RAB3IP: variants seen among roughly 807,000 people sequenced by gnomAD.
RAB3IP encodes the protein rab-3A-interacting protein.
RAB3IP carries 36 observed loss-of-function variants against 59.1 expected under a neutral mutation model. The observed-to-expected ratio is 0.61, with a 90% CI of 0.47 to 0.80. The LOEUF is 0.80. RAB3IP is among the 30% of genes least tolerant of loss of function. The pLI is 0.00. For missense variants in RAB3IP, 511 were observed against 536.0 expected (o/e 0.95, Z 0.46); for synonymous variants, 207 against 191.2 (o/e 1.08, Z -0.68).
At chr12:69,760,631 CTG>C (rs935167469) in intron 3 of RAB3IP, among the ~76,000 whole-genome samples, 4 of 150,882 alleles carry the variant, frequency 2.7e-5, no homozygotes, top group African/African-American at 7.3e-5. Context: ...TTTTGTATGT[CTG>C]TGTTCATTTT....
rs1249343968 is a variant in RAB3IP at position 69,797,518 on chromosome 12, C to CT, written c.888+2184dup. Among the ~76,000 whole-genome samples the CT allele has an allele frequency of 2.9e-3, 98 of 34,154 alleles. No individual in the cohort carries two copies. The East Asian group carries it at 0.031, about 11-fold the overall frequency. 22.4% of individuals were successfully genotyped at this position (34,154 alleles called of 152,430 possible). ...TTTTTTTTAATAAATTTGCATCTTT[C>CT]TTTTTTTTTTAATTATTGTTATACT... On this transcript the variant is annotated intron_variant, in intron 6 of 10. Transcript: ENST00000247833.
chr12:69,815,319 G>A, intron 10 of RAB3IP, 45 bp from the exon 11 acceptor site: 1 of 1,312,838 alleles, frequency 7.6e-7, no homozygotes, highest in Non-Finnish European at 1.1e-6. Context: ...AAATAATGAA[G>A]ATGGTATTTT....
rs1270618068 is a variant in RAB3IP at position 69,751,260 on chromosome 12, TC to T, written c.-25-4122del. 3.9e-4 allele frequency among the ~76,000 whole-genome samples: 60 copies of T among 152,220 alleles called. 1 individual carries two copies. The highest frequency in any genetic ancestry group is 1.3e-3 in the African/African-American group (56 of 41,532). ...TTGTCCCGTTTTTGGTTAGTGGGAG[TC>T]CGTTTGATATCAGTCCAGTAGTTTT... On this transcript the variant is annotated intron_variant, in intron 1 of 10. Coordinates refer to ENST00000247833, the MANE Select transcript of RAB3IP (RefSeq NM_022456.5).
At chr12:69,783,564 C>T (rs570862222) in intron 3 of RAB3IP, among the ~76,000 whole-genome samples, 158 of 152,274 alleles carry the variant, frequency 1.0e-3, no homozygotes, top group African/African-American at 3.6e-3. Flanking sequence ...TTTAGAGCTT[C>T]GTAGCACTCT....
At position 69,823,016 on chromosome 12, in the gene RAB3IP, G is replaced by A. The variant is rs1881925943; in HGVS notation, c.*7570G>A. On this transcript the variant is annotated 3_prime_UTR_variant, in exon 11 of 11. Transcript: ENST00000247833. ...AATGTGTAGTTTCAAATAGCTAATAGCTGGAAGGAAGTTGTTGAATGTTTC... is the reference window on the plus strand; with the variant it reads ...AATGTGTAGTTTCAAATAGCTAATAACTGGAAGGAAGTTGTTGAATGTTTC... 6.6e-6 allele frequency: 1 copy of A among 152,116 alleles called. No homozygotes were observed. The highest frequency in any genetic ancestry group is 2.4e-5 in the African/African-American group (1 of 41,414). The allele number at this position is 152,116 out of a possible 1,614,324, so 9.4% of individuals were successfully genotyped here. A position where few individuals can be genotyped will look rare whatever the true frequency, so the allele number is the denominator to read the frequency against.
intron 4 of RAB3IP, among the ~76,000 whole-genome samples, chr12:69,790,237 A>G (rs1231935701): frequency 1.3e-5 from 2 of 152,250 alleles, no homozygotes; most frequent in Non-Finnish European, 2.9e-5. Flanking sequence ...ACAAAAATTA[A>G]TGATGTTTTT....
chr12:69,787,229 T>C (rs1875830608), intron 4 of RAB3IP, among the ~76,000 whole-genome samples: 1 of 152,154 alleles, frequency 6.6e-6, no homozygotes, highest in Admixed American at 6.6e-5. Flanking sequence ...GTTTTAAAAG[T>C]ATCAAATACT....
intron 8 of RAB3IP, among the ~76,000 whole-genome samples, chr12:69,805,418 T>A (rs796999835): frequency 6.6e-6 from 1 of 152,138 alleles, no homozygotes; most frequent in Non-Finnish European, 1.5e-5. Context: ...GGGTTTTCTA[T>A]GTGTACAATC....
chr12:69,750,254 A>G (rs150237981), intron 1 of RAB3IP, among the ~76,000 whole-genome samples: 164 of 152,314 alleles, frequency 1.1e-3, no homozygotes, highest in African/African-American at 3.8e-3. Flanking sequence ...TGGGGCTGGT[A>G]GTTGAATGAC....
chr12:69,782,700 T>G (rs1670730497), intron 3 of RAB3IP, among the ~76,000 whole-genome samples: 1 of 152,222 alleles, frequency 6.6e-6, no homozygotes, highest in South Asian at 2.1e-4. Context: ...CCAATTTGTG[T>G]CTTGTCTTCT....
intron 3 of RAB3IP, among the ~76,000 whole-genome samples, chr12:69,771,338 C>G (rs1365451544): frequency 6.6e-6 from 1 of 152,142 alleles, no homozygotes; most frequent in Non-Finnish European, 1.5e-5. Context: ...CAAGACCAGC[C>G]TAGGCAACAT....
Position 69,795,239 on chromosome 12 carries a change from A to G in RAB3IP, c.783A>G (p.Thr261=). 6.2e-7 allele frequency: 1 copy of G among 1,614,080 alleles called. No individual in the cohort carries two copies. Among genetic ancestry groups the G allele is most frequent in the Non-Finnish European group, 8.5e-7 (1 of 1,179,966 alleles). The change falls in exon 6 of 11, where the codon ACA becomes ACG. Residue 261 remains threonine (T), a synonymous_variant. Coordinates refer to ENST00000247833, the MANE Select transcript of RAB3IP (RefSeq NM_022456.5). ...AGGAGCCTTTGCCAGGTGGAAAGAC[A>G]CCTTTTAAAAAGGGGCATACAAGAA... ...PTQEPLPGGK[T]PFKKGHTRNK...
At chr12:69,768,290 G>A (rs570062103) in intron 3 of RAB3IP, among the ~76,000 whole-genome samples, 11 of 152,104 alleles carry the variant, frequency 7.2e-5, no homozygotes, top group African/African-American at 2.7e-4. Context: ...GGTGGTTCAG[G>A]CTACTGATTC....
At chr12:69,750,656 A>G (rs1869122336) in intron 1 of RAB3IP, among the ~76,000 whole-genome samples, 2 of 149,796 alleles carry the variant, frequency 1.3e-5, no homozygotes, top group African/African-American at 2.5e-5. Flanking sequence ...GTTATTTAAC[A>G]TGTTCCTTTC....
chr12:69,812,509 A>G (rs1183576347), intron 8 of RAB3IP: 2 of 337,110 alleles, frequency 5.9e-6, no homozygotes, highest in Non-Finnish European at 1.1e-5. Flanking sequence ...TTGTTCCAAG[A>G]TGGGACATAC....
In RAB3IP at chr12:69,752,863, G is replaced by A. The variant is rs183472381; in HGVS notation, c.-25-2521G>A. Among the ~76,000 whole-genome samples the A allele has an allele frequency of 3.1e-3, 469 of 152,266 alleles. 1 individual carries two copies. Among genetic ancestry groups the A allele is most frequent in the Non-Finnish European group, 3.9e-3 (265 of 68,024 alleles). The stretch of plus-strand genomic sequence containing the variant: ...CTATATTCAAGTGAAAATGAATTAT[G>A]TACTTTGAATATAGCAGTTTTCTTG... On this transcript the variant is annotated intron_variant, in intron 1 of 10. Coordinates refer to ENST00000247833, the MANE Select transcript of RAB3IP (RefSeq NM_022456.5).
At chr12:69,792,166 C>T (rs534420644) in intron 4 of RAB3IP, among the ~76,000 whole-genome samples, 4 of 151,952 alleles carry the variant, frequency 2.6e-5, no homozygotes, top group South Asian at 2.1e-4. Context: ...GTGGGAGAAA[C>T]GGGAGATGTC....
At chr12:69,760,349 C>T (rs556663782) in intron 3 of RAB3IP, among the ~76,000 whole-genome samples, 19 of 152,278 alleles carry the variant, frequency 1.2e-4, no homozygotes, top group Admixed American at 2.6e-4. Context: ...AGCTTTGGCT[C>T]GGCATCAGAG....
rs1881878089 is a variant in RAB3IP, at chr12:69,822,677, A to G, written c.*7231A>G. On this transcript the variant is annotated 3_prime_UTR_variant, in exon 11 of 11. Coordinates refer to ENST00000247833, the MANE Select transcript of RAB3IP (RefSeq NM_022456.5). ...TTCACAATAAAGGAGTGGATTTGGAATGTTCTCAACACAAATGATAAATGT... is the reference window on the plus strand; with the variant it reads ...TTCACAATAAAGGAGTGGATTTGGAGTGTTCTCAACACAAATGATAAATGT... The G allele has an allele frequency of 6.6e-6, 1 of 152,194 alleles. No homozygotes were observed. The highest frequency in any genetic ancestry group is 6.5e-5 in the Admixed American group (1 of 15,276). 9.4% of individuals were successfully genotyped at this position (152,194 alleles called of 1,614,324 possible). A position where few individuals can be genotyped will look rare whatever the true frequency, so the allele number is the denominator to read the frequency against.
Sources: allele counts gnomAD v4.1 joint callset (sites outside exome capture counted in the v4.1 genomes callset), GRCh38; gene constraint gnomAD v4.1.1; transcripts MANE v1.5; gene names NCBI Gene and HGNC (gene_info 2026-07-23, HGNC 2026-07-21).